The following ENOX2 variants were observed in gnomAD, a reference collection of about 807,000 sequenced individuals.
ENOX2 encodes ecto-NOX disulfide-thiol exchanger 2.
A neutral mutation model predicts 45.0 loss-of-function variants in ENOX2; 36 were observed. That is an observed-to-expected ratio of 0.80 (90% CI 0.61 to 1.06). ENOX2 has a LOEUF of 1.06. ENOX2 is among the 50% of genes least tolerant of loss of function. The pLI is 0.00. For synonymous variants in ENOX2, 174 were observed against 152.3 expected, an observed-to-expected ratio of 1.14 and a Z score of -1.05; for missense variants, 423 against 462.5, an observed-to-expected ratio of 0.91 and a Z score of 0.78.
At position 130,742,245 on chromosome X, in the gene ENOX2, C is replaced by CTTTT. The variant is rs67776619; in HGVS notation, c.-38-38995_-38-38992dup. Among the ~76,000 whole-genome samples the CTTTT allele has an allele frequency of 1.6e-3, 94 of 60,139 alleles. 8 individuals carry two copies. The highest frequency in any genetic ancestry group is 5.6e-3 in the African/African-American group (80 of 14,354). The allele number at this position is 60,139 out of a possible 115,157, so 52.2% of individuals were successfully genotyped here. On this transcript the variant is annotated intron_variant, in intron 3 of 14. Transcript: ENST00000394363. ...TGTCTGGTTTGGTACAGATAATTTC[C>CTTTT]TTTTTTTTTTTTTTTTTTTTTTTTT... is the stretch of plus-strand genomic sequence containing the variant.
chrX:130,637,352 G>A lies in ENOX2; in HGVS notation c.1188C>T (p.Leu396=), dbSNP rs770298882. ...GTTCTACTTCATTCCGGTAGGCATC[G>A]AGCTGCCAACGGAGGCTGTCATTTT... ...KEENDSLRWQ[L]DAYRNEVELL... The change falls in exon 11 of 15, where the codon CTC becomes CTT. Residue 396 remains leucine, a synonymous_variant. Coordinates refer to ENST00000394363, the MANE Select transcript of ENOX2 (RefSeq NM_006375.4). 30 of 1,208,345 alleles carry A rather than the reference G, an allele frequency of 2.5e-5. 1 individual carries two copies. The highest frequency in any genetic ancestry group is 4.6e-4 in the Middle Eastern group (2 of 4,352).
At chrX:130,801,716 T>C (rs1473533572) in intron 2 of ENOX2, among the ~76,000 whole-genome samples, 2 of 112,102 alleles carry the variant, frequency 1.8e-5, no homozygotes, top group Admixed American at 9.5e-5. Flanking sequence ...GGTAAATTTC[T>C]AATGGAAGTA....
At chrX:130,625,983 C>T (rs1026549609) in intron 14 of ENOX2, among the ~76,000 whole-genome samples, 1 of 110,950 alleles carries the variant, frequency 9.0e-6, no homozygotes, top group Non-Finnish European at 1.9e-5. Flanking sequence ...AATCTGTGGA[C>T]TCCTTTAGGA....
At chrX:130,824,468 A>G (rs1941887259) in intron 2 of ENOX2, among the ~76,000 whole-genome samples, 1 of 111,934 alleles carries the variant, frequency 8.9e-6, no homozygotes. Flanking sequence ...AAGTTGCTTC[A>G]TTTTAATTTA....
At chrX:130,834,062 A>G (rs1377344812) in intron 2 of ENOX2, among the ~76,000 whole-genome samples, 1 of 111,665 alleles carries the variant, frequency 9.0e-6, no homozygotes, top group Non-Finnish European at 1.9e-5. Flanking sequence ...GCAATTTTGT[A>G]ATAACCACAT....
At chrX:130,746,877 A>G (rs750406140) in intron 3 of ENOX2, among the ~76,000 whole-genome samples, 44 of 112,529 alleles carry the variant, frequency 3.9e-4, no homozygotes, top group African/African-American at 1.1e-3. Flanking sequence ...TTCTCTCTCC[A>G]TCATAACAGG....
At chrX:130,631,805 G>T (rs913807403) in intron 12 of ENOX2, among the ~76,000 whole-genome samples, 49 of 94,955 alleles carry the variant, frequency 5.2e-4, no homozygotes, top group African/African-American at 1.9e-3. Context: ...ACCTTCACCA[G>T]TTTTTTTTTT....
intron 3 of ENOX2, among the ~76,000 whole-genome samples, chrX:130,747,068 T>C (rs1285008825): frequency 8.9e-6 from 1 of 112,230 alleles, no homozygotes; most frequent in Non-Finnish European, 1.9e-5. Flanking sequence ...CCTAAGTTGT[T>C]TGATGGTGCA....
rs762657521 is a variant in ENOX2 at position 130,651,460 on chromosome X, T to G, written c.1129+5121A>C. Among the ~76,000 whole-genome samples the G allele has an allele frequency of 1.5e-4, 17 of 112,358 alleles. No homozygotes were observed. In the South Asian group the frequency reaches 6.3e-3, roughly 42 times the overall value. ...TGCTTTCTGGCTGAATAGATCCCAGTGCAACCTCCTCAGTGCCTTGTATTG... is the reference window on the plus strand; with the variant it reads ...TGCTTTCTGGCTGAATAGATCCCAGGGCAACCTCCTCAGTGCCTTGTATTG... On this transcript the variant is annotated intron_variant, in intron 10 of 14. Coordinates refer to ENST00000394363, the MANE Select transcript of ENOX2 (RefSeq NM_006375.4).
chrX:130,724,698 C>T (rs902286563), intron 3 of ENOX2, among the ~76,000 whole-genome samples: 14 of 112,195 alleles, frequency 1.2e-4, no homozygotes, highest in Non-Finnish European at 2.1e-4. Flanking sequence ...TTCATGCCTA[C>T]TTCTGCCTCC....
chrX:130,704,162 A>T (rs188134491), intron 3 of ENOX2, among the ~76,000 whole-genome samples: 3 of 112,378 alleles, frequency 2.7e-5, no homozygotes, highest in Admixed American at 1.9e-4. Context: ...ATCTCCAGTT[A>T]AACAACTAGG....
rs755178901 is a variant in ENOX2, at chrX:130,672,956, C to T, written c.461-2758G>A. Among the ~76,000 whole-genome samples the T allele has an allele frequency of 7.2e-5, 8 of 111,879 alleles. No homozygotes were observed. In the South Asian group the frequency reaches 3.0e-3, roughly 42 times the overall value. ...CACTCTCCCTGGGCTGAATAGGGAA[C>T]CTGGAATTTCACAGACCAGCCCATC... On this transcript the variant is annotated intron_variant, in intron 6 of 14. Coordinates refer to ENST00000394363, the MANE Select transcript of ENOX2 (RefSeq NM_006375.4).
chrX:130,700,723 T>A (rs2037877599), intron 4 of ENOX2, among the ~76,000 whole-genome samples: 1 of 111,868 alleles, frequency 8.9e-6, no homozygotes, highest in Admixed American at 9.5e-5. Context: ...TGGTAAGCAG[T>A]GTGCTAAGTA....
chrX:130,901,912 C>T (rs932345825), intron 1 of ENOX2, among the ~76,000 whole-genome samples, 181 bp from the exon 2 acceptor site: 1 of 111,892 alleles, frequency 8.9e-6, no homozygotes, highest in Admixed American at 9.4e-5. Flanking sequence ...CAGGCAAGCC[C>T]ACCTGTCTCA....
At chrX:130,843,146 T>G (rs2078042779) in intron 2 of ENOX2, among the ~76,000 whole-genome samples, 1 of 111,258 alleles carries the variant, frequency 9.0e-6, no homozygotes, top group Non-Finnish European at 1.9e-5. Flanking sequence ...ATAAATACGT[T>G]TACTCAACAA....
At chrX:130,783,223 A>C (rs1388821735) in intron 3 of ENOX2, among the ~76,000 whole-genome samples, 1 of 112,251 alleles carries the variant, frequency 8.9e-6, no homozygotes, top group Non-Finnish European at 1.9e-5. Context: ...TTCAAGGATC[A>C]GCTAAAAATG....
At chrX:130,776,999 G>A (rs1011444126) in intron 3 of ENOX2, among the ~76,000 whole-genome samples, 8 of 112,082 alleles carry the variant, frequency 7.1e-5, no homozygotes, top group Non-Finnish European at 1.3e-4. Flanking sequence ...GACAAATCAC[G>A]TAGTACTATT....
chrX:130,625,582 G>T, intron 14 of ENOX2, 137 bp from the exon 15 acceptor site: 1 of 574,724 alleles, frequency 1.7e-6, no homozygotes. Flanking sequence ...TGCTCCTTGC[G>T]CATTTGTGTG....
At chrX:130,629,538 C>T in intron 13 of ENOX2, among the ~76,000 whole-genome samples, 1 of 112,540 alleles carries the variant, frequency 8.9e-6, no homozygotes, top group Non-Finnish European at 1.9e-5. Flanking sequence ...TGTTGCCATG[C>T]CAATTTGTTA....
Sources: allele counts gnomAD v4.1 joint callset (sites outside exome capture counted in the v4.1 genomes callset), GRCh38; gene constraint gnomAD v4.1.1; transcripts MANE v1.5; gene names NCBI Gene and HGNC (gene_info 2026-07-23, HGNC 2026-07-21).